The following DOCK2 variants were observed in gnomAD, a reference collection of about 807,000 sequenced individuals.
DOCK2 encodes dedicator of cytokinesis protein 2.
In DOCK2, 87 loss-of-function variants were observed where a neutral mutation model predicts 248.9. The observed-to-expected ratio is 0.35, with a 90% CI of 0.29 to 0.42. The LOEUF is 0.42. Among genes scored for constraint, DOCK2 ranks in the 10% least tolerant of loss-of-function variants. The pLI is 1.00. For missense variants in DOCK2, 1,747 were observed against 2,300.2 expected (o/e 0.76, Z 4.92); for synonymous variants, 805 against 821.6 (o/e 0.98, Z 0.35).
chr5:169,770,992 C>T (rs1460445876), intron 25 of DOCK2, among the ~76,000 whole-genome samples: 1 of 152,160 alleles, frequency 6.6e-6, no homozygotes, highest in African/African-American at 2.4e-5. Context: ...TTTGCTTGGC[C>T]ATAAGGGATC....
At chr5:169,929,878 A>G (rs1279987079) in intron 27 of DOCK2, among the ~76,000 whole-genome samples, 1 of 152,176 alleles carries the variant, frequency 6.6e-6, no homozygotes, top group East Asian at 1.9e-4. Flanking sequence ...TTGTGCTCCA[A>G]TATGGTAGCC....
intron 10 of DOCK2, 58 bp downstream of exon 10, chr5:169,695,996 A>T: frequency 6.6e-7 from 1 of 1,523,132 alleles, no homozygotes; most frequent in South Asian, 1.3e-5. Context: ...TATGTGGCTG[A>T]ATTGTAATGA....
At chr5:169,682,579 G>A (rs751333233) in intron 7 of DOCK2, among the ~76,000 whole-genome samples, 1 of 152,208 alleles carries the variant, frequency 6.6e-6, no homozygotes, top group Admixed American at 6.5e-5. Context: ...AGATTTCAAG[G>A]AAAGGTTAAC....
intron 22 of DOCK2, among the ~76,000 whole-genome samples, chr5:169,741,471 T>C: frequency 6.6e-6 from 1 of 152,152 alleles, no homozygotes; most frequent in East Asian, 1.9e-4. Context: ...AGAATACACA[T>C]CACTCCTTGA....
chr5:169,883,377 G>A (rs1289931713), intron 27 of DOCK2: 1 of 1,551,676 alleles, frequency 6.4e-7, no homozygotes, highest in Admixed American at 2.0e-5. Context: ...GCACCTTGGG[G>A]ACCCTTGGGA....
chr5:169,778,873 T>A (rs891144439), intron 25 of DOCK2, among the ~76,000 whole-genome samples: 1 of 152,186 alleles, frequency 6.6e-6, no homozygotes, highest in African/African-American at 2.4e-5. Flanking sequence ...TCTACCAATC[T>A]ATCTATCTAT....
chr5:169,642,782 A>T (rs572703308), intron 1 of DOCK2, among the ~76,000 whole-genome samples: 56 of 152,326 alleles, frequency 3.7e-4, no homozygotes, highest in Non-Finnish European at 7.1e-4. Flanking sequence ...GGCAGTGGAC[A>T]TCTTGCCCCT....
chr5:169,903,654 A>C (rs1430387628), intron 27 of DOCK2, among the ~76,000 whole-genome samples: 1 of 152,090 alleles, frequency 6.6e-6, no homozygotes, highest in Non-Finnish European at 1.5e-5. Context: ...CTTTTGTGGA[A>C]CTGATAGAAG....
chr5:169,807,697 G>A (rs1387339884), intron 26 of DOCK2, among the ~76,000 whole-genome samples: 1 of 151,776 alleles, frequency 6.6e-6, no homozygotes, highest in Non-Finnish European at 1.5e-5. Context: ...AGCTGGGCGT[G>A]GTGGTGGGCG....
chr5:169,755,591 A>G (rs1764154923), intron 23 of DOCK2, among the ~76,000 whole-genome samples: 1 of 152,082 alleles, frequency 6.6e-6, no homozygotes. Flanking sequence ...ATAAATATAA[A>G]AAACTAGCCG....
chr5:169,832,173 TAAATG>T (rs1277266275), intron 26 of DOCK2, among the ~76,000 whole-genome samples: 3 of 152,194 alleles, frequency 2.0e-5, no homozygotes, highest in Middle Eastern at 3.2e-3. Flanking sequence ...TATAAACAGT[TAAATG>T]AGATTATGTC....
At chr5:169,940,233 C>A (rs1423435908) in intron 27 of DOCK2, among the ~76,000 whole-genome samples, 1 of 152,188 alleles carries the variant, frequency 6.6e-6, no homozygotes, top group Non-Finnish European at 1.5e-5. Context: ...AGTTGGTGGT[C>A]TTTATGGAGT....
chr5:169,678,257 G>A (rs1477449717), intron 6 of DOCK2, among the ~76,000 whole-genome samples: 1 of 151,876 alleles, frequency 6.6e-6, no homozygotes, highest in Non-Finnish European at 1.5e-5. Context: ...TACATCTTCA[G>A]TCTTGAGAAA....
At chr5:169,874,816 C>T (rs1276696133) in intron 27 of DOCK2, among the ~76,000 whole-genome samples, 1 of 152,080 alleles carries the variant, frequency 6.6e-6, no homozygotes, top group Non-Finnish European at 1.5e-5. Context: ...AGCTGAATCT[C>T]CCAAGTATTG....
intron 44 of DOCK2, among the ~76,000 whole-genome samples, chr5:170,058,101 G>T (rs567303429): frequency 3.0e-4 from 46 of 152,180 alleles, no homozygotes; most frequent in Non-Finnish European, 5.1e-4. Flanking sequence ...AGATCATTTG[G>T]CTAGAATCCA....
intron 26 of DOCK2, among the ~76,000 whole-genome samples, chr5:169,812,109 A>G (rs770896610): frequency 1.3e-5 from 2 of 152,204 alleles, no homozygotes; most frequent in Non-Finnish European, 2.9e-5. Flanking sequence ...CCTGTTAGGA[A>G]CCAGGCTTCA....
chr5:169,689,454 TC>T, intron 9 of DOCK2, 121 bp downstream of exon 9: 1 of 1,002,740 alleles, frequency 1.0e-6, no homozygotes, highest in Non-Finnish European at 1.5e-6. Flanking sequence ...TGTTGTGGGC[TC>T]CAAGCAGAAA....
chr5:169,637,456 G>T, intron 1 of DOCK2, 87 bp downstream of exon 1: 3 of 1,269,174 alleles, frequency 2.4e-6, no homozygotes, highest in Non-Finnish European at 2.0e-6. Flanking sequence ...CCGGCGGCGC[G>T]GGGTGGGCAG....
chr5:169,887,901 A>G (rs1037125719), intron 27 of DOCK2, among the ~76,000 whole-genome samples: 1 of 152,186 alleles, frequency 6.6e-6, no homozygotes, highest in Admixed American at 6.5e-5. Flanking sequence ...GTGCCTGGTC[A>G]ATTTATGATG....
Sources: gnomAD v4.1 joint callset for allele counts (sites outside exome capture counted in the v4.1 genomes callset) on GRCh38, gnomAD v4.1.1 for gene constraint, MANE v1.5 for transcripts, NCBI Gene and HGNC (gene_info 2026-07-23, HGNC 2026-07-21) for gene names.